The following ANK1 variants were observed in gnomAD, a reference collection of about 807,000 sequenced individuals.
ANK1 encodes ankyrin-1.
A neutral mutation model predicts 210.4 loss-of-function variants in ANK1; 51 were observed. That is an observed-to-expected ratio of 0.24 (90% CI 0.19 to 0.31). ANK1 has a LOEUF of 0.31. Among genes scored for constraint, ANK1 ranks in the 10% least tolerant of loss-of-function variants. ANK1 has a pLI of 1.00. For missense variants in ANK1, 2,051 were observed against 2,504.4 expected, an observed-to-expected ratio of 0.82 and a Z score of 3.86; for synonymous variants, 967 against 1,025.9, an observed-to-expected ratio of 0.94 and a Z score of 1.10.
intron 1 of ANK1, among the ~76,000 whole-genome samples, chr8:41,848,457 T>A (rs1810517715): frequency 6.6e-6 from 1 of 152,106 alleles, no homozygotes; most frequent in South Asian, 2.1e-4. Context: ...GCACCATTGG[T>A]CCCTGCAGAG....
At chr8:41,804,411 C>T (rs1850620831) in intron 1 of ANK1, among the ~76,000 whole-genome samples, 2 of 152,220 alleles carry the variant, frequency 1.3e-5, no homozygotes, top group African/African-American at 2.4e-5. Flanking sequence ...CCACCCTCAA[C>T]AGCAGGGAAA....
chr8:41,736,513 TCGGCATGGCTGGAGTGACAGC>T (rs1833451990), intron 2 of ANK1, among the ~76,000 whole-genome samples: 1 of 152,208 alleles, frequency 6.6e-6, no homozygotes, highest in Admixed American at 6.5e-5. Flanking sequence ...TTTGTGGCTG[TCGGCATGGCTGGAGTGACAGC>T]CCGGCAGCTG....
At chr8:41,703,450 A>ATATATATATTTT (rs59985416) in intron 20 of ANK1, among the ~76,000 whole-genome samples, 2 of 58,826 alleles carry the variant, frequency 3.4e-5, no homozygotes, top group African/African-American at 9.0e-5. Flanking sequence ...ATATATATAT[A>ATATATATATTTT]TTTTTTTTTT....
intron 10 of ANK1, among the ~76,000 whole-genome samples, chr8:41,719,298 C>T (rs1400629881): frequency 6.6e-6 from 1 of 152,182 alleles, no homozygotes; most frequent in Non-Finnish European, 1.5e-5. Flanking sequence ...GCTCAGAAAG[C>T]CACGCAGCCT....
intron 20 of ANK1, among the ~76,000 whole-genome samples, chr8:41,702,884 A>T (rs915456954): frequency 6.6e-6 from 1 of 152,146 alleles, no homozygotes; most frequent in Admixed American, 6.5e-5. Flanking sequence ...CAGTGGCGTG[A>T]TCTAGGCTCA....
intron 1 of ANK1, among the ~76,000 whole-genome samples, chr8:41,854,887 G>T (rs1394572808): frequency 6.6e-6 from 1 of 151,730 alleles, no homozygotes; most frequent in Non-Finnish European, 1.5e-5. Context: ...GTTGGAGGCT[G>T]CAGTGAGCTA....
chr8:41,849,407 C>T (rs956334067), intron 1 of ANK1, among the ~76,000 whole-genome samples: 1 of 151,976 alleles, frequency 6.6e-6, no homozygotes, highest in African/African-American at 2.4e-5. Context: ...GCCTATAATC[C>T]CAGCTACCAG....
At chr8:41,769,970 CTTTTTTCTTTTTTTTTTT>C (rs1243256990) in intron 1 of ANK1, among the ~76,000 whole-genome samples, 1 of 94,770 alleles carries the variant, frequency 1.1e-5, no homozygotes, top group African/African-American at 4.2e-5. Flanking sequence ...TTTTTTTTTT[CTTTTTTCTTTTTTTTTTT>C]TTTTTTTTTT....
At chr8:41,803,078 A>AGGAAGGGAAGGGAAG (rs1850323791) in intron 1 of ANK1, among the ~76,000 whole-genome samples, 1 of 74,958 alleles carries the variant, frequency 1.3e-5, no homozygotes, top group Admixed American at 1.5e-4. Context: ...GAAGGAAGGA[A>AGGAAGGGAAGGGAAG]GGAAGGGAAG....
At chr8:41,733,414 G>C (rs917567494) in intron 3 of ANK1, among the ~76,000 whole-genome samples, 4 of 152,098 alleles carry the variant, frequency 2.6e-5, no homozygotes. Context: ...CTTACTACAG[G>C]AATCAGTAAT....
intron 2 of ANK1, among the ~76,000 whole-genome samples, chr8:41,737,299 A>C (rs575830853): frequency 6.6e-6 from 1 of 152,318 alleles, no homozygotes; most frequent in Admixed American, 6.5e-5. Context: ...ACTCTGTCTC[A>C]ACAAAATAAA....
chr8:41,828,296 A>G (rs12708213), intron 1 of ANK1: 3 of 154,310 alleles, frequency 1.9e-5, no homozygotes, highest in African/African-American at 7.2e-5. Flanking sequence ...CCTCCACACC[A>G]AGCAGCCGCC....
At chr8:41,701,738 C>T (rs186697432) in intron 21 of ANK1, 116 bp from the exon 22 acceptor site, 13,680 of 1,092,724 alleles carry the variant, frequency 0.013, 102 homozygotes, top group Admixed American at 0.016. Flanking sequence ...GAAAAACAGA[C>T]GGAGGAGGCG....
rs1554555252 is a variant in ANK1 at position 41,703,451 on chromosome 8, T to TATA, written c.2295+589_2295+590insTAT. On this transcript the variant is annotated intron_variant, in intron 20 of 42. Transcript: ENST00000289734. ...ATATATATATATATATATATATATA[T>TATA]TTTTTTTTTTTTTTTAAGACACAAG... is the stretch of plus-strand genomic sequence containing the variant. Among the ~76,000 whole-genome samples, 144 of 37,386 alleles carry TATA rather than the reference T, an allele frequency of 3.9e-3. 1 individual carries two copies. Among genetic ancestry groups the TATA allele is most frequent in the South Asian group, 0.029 (23 of 796 alleles). 24.5% of individuals were successfully genotyped at this position (37,386 alleles called of 152,430 possible). A position where few individuals can be genotyped will look rare whatever the true frequency, so the allele number is the denominator to read the frequency against.
At chr8:41,858,155 C>G (rs1398653046) in intron 1 of ANK1, among the ~76,000 whole-genome samples, 1 of 151,870 alleles carries the variant, frequency 6.6e-6, no homozygotes, top group African/African-American at 2.4e-5. Flanking sequence ...TCACTTGAGC[C>G]CGGGAATTGG....
In ANK1 at chr8:41,672,797, G is replaced by C. The variant is rs771901218; in HGVS notation, c.4653C>G (p.Pro1551=). Residue 1551 remains proline (P), a synonymous_variant, in exon 38 of 43, where the codon CCC becomes CCG. Coordinates refer to ENST00000289734, the MANE Select transcript of ANK1 (RefSeq NM_000037.4). ...WNEVAVLDAI[P]LAATEHDTML... Reference sequence around the variant, plus strand: ...TGGTGTCATGCTCCGTGGCCGCCAAGGGGATGGCGTCTAGGACGGCCACCT... The same window carrying C: ...TGGTGTCATGCTCCGTGGCCGCCAACGGGATGGCGTCTAGGACGGCCACCT... The C allele has an allele frequency of 3.7e-6, 6 of 1,605,468 alleles. No individual in the cohort carries two copies. The highest frequency in any genetic ancestry group is 1.7e-5 in the Admixed American group (1 of 59,656).
At chr8:41,817,243 TGGG>T (rs1242707229) in intron 1 of ANK1, among the ~76,000 whole-genome samples, 1 of 152,182 alleles carries the variant, frequency 6.6e-6, no homozygotes, top group Non-Finnish European at 1.5e-5. Flanking sequence ...GAAGGAGTTT[TGGG>T]GGGCACATTT....
intron 35 of ANK1, among the ~76,000 whole-genome samples, chr8:41,686,740 A>G (rs1241534450): frequency 6.6e-6 from 1 of 151,950 alleles, no homozygotes; most frequent in Non-Finnish European, 1.5e-5. Flanking sequence ...ACAGAAATGG[A>G]CTCCTGAGCT....
chr8:41,888,643 T>G (rs945364292), intron 1 of ANK1, among the ~76,000 whole-genome samples: 1 of 152,238 alleles, frequency 6.6e-6, no homozygotes, highest in Non-Finnish European at 1.5e-5. Context: ...TGTCTGCACA[T>G]TATGAAGTGA....
Sources: allele counts gnomAD v4.1 joint callset (sites outside exome capture counted in the v4.1 genomes callset), GRCh38; gene constraint gnomAD v4.1.1; transcripts MANE v1.5; gene names NCBI Gene and HGNC (gene_info 2026-07-23, HGNC 2026-07-21).